The following PKNOX2 variants were observed in gnomAD, a reference collection of about 807,000 sequenced individuals.
The protein encoded by PKNOX2 is homeobox protein PKNOX2.
PKNOX2 carries 14 observed loss-of-function variants against 53.1 expected under a neutral mutation model. The observed-to-expected ratio is 0.26, with a 90% CI of 0.17 to 0.41. The LOEUF (loss-of-function observed/expected upper bound fraction) is 0.41, where lower values mean the gene tolerates loss of function less well. Among genes scored for constraint, PKNOX2 ranks in the 10% least tolerant of loss-of-function variants. The pLI is 1.00. For missense variants in PKNOX2, 496 were observed against 602.8 expected (o/e 0.82, Z 1.85); for synonymous variants, 257 against 242.8 (o/e 1.06, Z -0.54).
intron 2 of PKNOX2, among the ~76,000 whole-genome samples, chr11:125,328,973 C>G (rs1309310623): frequency 1.3e-5 from 2 of 152,196 alleles, no homozygotes; most frequent in Non-Finnish European, 2.9e-5. Context: ...ACGAACACAC[C>G]TTTGGACTTG....
At chr11:125,268,138 A>C (rs1041273940) in intron 2 of PKNOX2, among the ~76,000 whole-genome samples, 2 of 152,326 alleles carry the variant, frequency 1.3e-5, no homozygotes, top group Admixed American at 1.3e-4. Context: ...GAGCAGATGC[A>C]GTCCTTTGGC....
At chr11:125,399,955 T>G (rs74922271) in intron 7 of PKNOX2, among the ~76,000 whole-genome samples, 20,373 of 152,174 alleles carry the variant, frequency 0.13, 2,456 homozygotes, top group African/African-American at 0.32. Context: ...GATGGTTAAG[T>G]TCTCAGAGAT....
At chr11:125,361,152 G>C (rs557074958) in intron 4 of PKNOX2, among the ~76,000 whole-genome samples, 1 of 152,346 alleles carries the variant, frequency 6.6e-6, no homozygotes, top group Admixed American at 6.5e-5. Context: ...TGATTCAACA[G>C]ATAGTTCAGA....
intron 2 of PKNOX2, among the ~76,000 whole-genome samples, chr11:125,266,998 T>C (rs116732402): frequency 6.6e-6 from 1 of 152,254 alleles, no homozygotes; most frequent in East Asian, 1.9e-4. Flanking sequence ...ATCTCCCTTT[T>C]GATTTCTCTG....
chr11:125,416,573 A>G (rs1955898331), intron 10 of PKNOX2, among the ~76,000 whole-genome samples: 1 of 152,054 alleles, frequency 6.6e-6, no homozygotes, highest in Non-Finnish European at 1.5e-5. Flanking sequence ...ATACTTTATT[A>G]ATAATACATA....
chr11:125,169,123 G>A lies in PKNOX2; in HGVS notation c.-201+4347G>A, dbSNP rs542378190. On this transcript the variant is annotated intron_variant, in intron 1 of 12. Coordinates refer to ENST00000298282, the MANE Select transcript of PKNOX2 (RefSeq NM_001382323.2). ...GTGTGATGCAATTGCTGGAGGTGAC[G>A]GCATGTGAAGCCAAGTGTCTGGATC... 5.3e-5 allele frequency among the ~76,000 whole-genome samples: 8 copies of A among 152,284 alleles called. No individual in the cohort carries two copies. In the East Asian group the frequency reaches 5.8e-4, roughly 11 times the overall value.
At chr11:125,409,440 A>G (rs1955346108) in intron 7 of PKNOX2, among the ~76,000 whole-genome samples, 1 of 152,178 alleles carries the variant, frequency 6.6e-6, no homozygotes. Context: ...AGCCTGAGGA[A>G]GAGAACAGGA....
At position 125,165,092 on chromosome 11, in the gene PKNOX2, G is replaced by T. The variant is rs1246995983; in HGVS notation, c.-201+316G>T. Among the ~76,000 whole-genome samples the T allele has an allele frequency of 6.7e-6, 1 of 149,376 alleles. No homozygotes were observed. Among genetic ancestry groups the T allele is most frequent in the Admixed American group, 6.6e-5 (1 of 15,038 alleles). ...GCGAGGGGCGGCGAGGCCGGGCACG[G>T]AGGCTGCGAGAGCCCCGCGGGCCGC... On this transcript the variant is annotated intron_variant, in intron 1 of 12. Coordinates refer to ENST00000298282, the MANE Select transcript of PKNOX2 (RefSeq NM_001382323.2). This position sits in a 1 kb window ranked among gnomAD's most constrained non-coding sequence, Gnocchi z 4.5.
chr11:125,302,184 A>T (rs146666104), intron 2 of PKNOX2, among the ~76,000 whole-genome samples: 1 of 152,312 alleles, frequency 6.6e-6, no homozygotes, highest in Non-Finnish European at 1.5e-5. Flanking sequence ...GTGGACTCCC[A>T]CAGAGGATGG....
intron 2 of PKNOX2, among the ~76,000 whole-genome samples, chr11:125,256,212 A>G (rs1466386061): frequency 6.6e-6 from 1 of 152,040 alleles, no homozygotes; most frequent in South Asian, 2.1e-4. Context: ...TCCCCATTCC[A>G]TGAACAGGGG....
At chr11:125,421,770 C>T (rs1161875970) in intron 10 of PKNOX2, among the ~76,000 whole-genome samples, 1 of 152,226 alleles carries the variant, frequency 6.6e-6, no homozygotes, top group Non-Finnish European at 1.5e-5. Flanking sequence ...GATAGTCAAG[C>T]CACCAGGCTG....
At chr11:125,355,015 C>A (rs1409854185) in intron 4 of PKNOX2, among the ~76,000 whole-genome samples, 1 of 152,084 alleles carries the variant, frequency 6.6e-6, no homozygotes, top group Non-Finnish European at 1.5e-5. Context: ...GCCTGTAATA[C>A]CAGCACTTTG....
At chr11:125,390,239 A>G (rs77529658) in intron 6 of PKNOX2, among the ~76,000 whole-genome samples, 7,796 of 152,306 alleles carry the variant, frequency 0.051, 309 homozygotes, top group Non-Finnish European at 0.073. Flanking sequence ...CACAAGGCAC[A>G]TGTTACTATT....
chr11:125,381,685 G>C (rs995773068), intron 5 of PKNOX2, among the ~76,000 whole-genome samples: 2 of 152,070 alleles, frequency 1.3e-5, no homozygotes, highest in Non-Finnish European at 2.9e-5. Context: ...CTGTCACGAG[G>C]CACCTCATGA....
In PKNOX2 at chr11:125,416,408, CT is replaced by C. The variant is rs776876127; in HGVS notation, c.936+4546del. Reference sequence around the variant, plus strand: ...CAGATTTTTATTATGTATTCCAATCCTTTATGTTTGTCTCATCTGATCCTAA... The same window carrying C: ...CAGATTTTTATTATGTATTCCAATCCTTATGTTTGTCTCATCTGATCCTAA... On this transcript the variant is annotated intron_variant, in intron 10 of 12. Coordinates refer to ENST00000298282, the MANE Select transcript of PKNOX2 (RefSeq NM_001382323.2). Among the ~76,000 whole-genome samples, 23 of 150,992 alleles carry C rather than the reference CT, an allele frequency of 1.5e-4. 1 individual carries two copies. The highest frequency in any genetic ancestry group is 3.2e-4 in the Non-Finnish European group (22 of 67,938).
chr11:125,168,088 G>T (rs1221552978), intron 1 of PKNOX2, among the ~76,000 whole-genome samples: 1 of 152,172 alleles, frequency 6.6e-6, no homozygotes, highest in Non-Finnish European at 1.5e-5. Flanking sequence ...CAGGATTTCA[G>T]CCCAGCTGCC....
At chr11:125,363,510 A>G (rs189338675) in intron 4 of PKNOX2, among the ~76,000 whole-genome samples, 35 of 152,294 alleles carry the variant, frequency 2.3e-4, no homozygotes, top group African/African-American at 7.2e-4. Context: ...TCTCCCAGGC[A>G]GTTCTGAGGA....
intron 1 of PKNOX2, among the ~76,000 whole-genome samples, chr11:125,198,843 T>C (rs1011966321): frequency 2.2e-5 from 3 of 138,690 alleles, no homozygotes; most frequent in African/African-American, 9.6e-5. Context: ...TTCTTCTTCT[T>C]TTTTTTTTTT....
intron 2 of PKNOX2, among the ~76,000 whole-genome samples, chr11:125,315,696 C>G (rs1025540491): frequency 6.6e-6 from 1 of 152,172 alleles, no homozygotes; most frequent in African/African-American, 2.4e-5. Flanking sequence ...GATGAGCCAG[C>G]CTGGGAGTGG....
Sources: gnomAD v4.1 joint callset for allele counts (sites outside exome capture counted in the v4.1 genomes callset) on GRCh38, gnomAD v4.1.1 for gene constraint, Gnocchi (gnomAD v3.1) non-coding constraint, MANE v1.5 for transcripts, NCBI Gene and HGNC (gene_info 2026-07-23, HGNC 2026-07-21) for gene names.